SETBP1: variants seen among roughly 807,000 people sequenced by gnomAD.
The protein encoded by SETBP1 is SET-binding protein.
Under a neutral mutation model 101.0 loss-of-function variants are expected in SETBP1, and 9 were observed. That is an observed-to-expected ratio of 0.09 (90% CI 0.05 to 0.16). SETBP1 has a LOEUF of 0.16. Among genes scored for constraint, SETBP1 ranks in the 10% least tolerant of loss-of-function variants. The pLI is 1.00. For missense variants in SETBP1, 1,858 were observed against 2,033.8 expected (o/e 0.91, Z 1.66); for synonymous variants, 818 against 788.5 (o/e 1.04, Z -0.63).
chr18:44,820,743 G>A (rs544010428), intron 2 of SETBP1, among the ~76,000 whole-genome samples: 2 of 152,260 alleles, frequency 1.3e-5, no homozygotes, highest in African/African-American at 2.4e-5. Context: ...GATCACTTAC[G>A]GTGGAAATAT....
At chr18:44,824,832 T>G (rs79791929) in intron 2 of SETBP1, among the ~76,000 whole-genome samples, 6 of 152,070 alleles carry the variant, frequency 3.9e-5, no homozygotes, top group Admixed American at 2.0e-4. Flanking sequence ...GGGAAGCAGA[T>G]GAAGAAAGGG....
At chr18:44,838,727 C>A (rs1286357260) in intron 2 of SETBP1, among the ~76,000 whole-genome samples, 1 of 152,210 alleles carries the variant, frequency 6.6e-6, no homozygotes. Flanking sequence ...GTCTTCTCAG[C>A]TCTTTCTTGA....
At chr18:44,908,030 CTCT>C (rs2070216163) in intron 3 of SETBP1, among the ~76,000 whole-genome samples, 1 of 151,674 alleles carries the variant, frequency 6.6e-6, no homozygotes, top group Admixed American at 6.6e-5. Context: ...AGGGCTCCAG[CTCT>C]TCTTCTTCCT....
intron 2 of SETBP1, among the ~76,000 whole-genome samples, chr18:44,738,773 CAA>C (rs34390519): frequency 1.4e-4 from 11 of 79,758 alleles, no homozygotes; most frequent in Non-Finnish European, 1.7e-4. Context: ...GACTCCATCT[CAA>C]AAAAAAAAAA....
intron 2 of SETBP1, among the ~76,000 whole-genome samples, chr18:44,835,450 C>G (rs2072476351): frequency 6.6e-6 from 1 of 152,074 alleles, no homozygotes; most frequent in African/African-American, 2.4e-5. Flanking sequence ...AGATAAAAGC[C>G]CATCTGATTA....
chr18:44,879,440 G>A (rs1399892902), intron 3 of SETBP1, among the ~76,000 whole-genome samples: 1 of 152,054 alleles, frequency 6.6e-6, no homozygotes, highest in African/African-American at 2.4e-5. Context: ...AAAGTGTCTG[G>A]CATCTAGTAA....
intron 2 of SETBP1, among the ~76,000 whole-genome samples, chr18:44,804,682 T>A (rs2071689985): frequency 6.6e-6 from 1 of 152,112 alleles, no homozygotes; most frequent in Admixed American, 6.6e-5. Context: ...CAAAAGCCCA[T>A]AAATATGGTT....
At chr18:44,696,980 CCCACTGCCG>C (rs1366410081) in intron 1 of SETBP1, among the ~76,000 whole-genome samples, 9 of 152,340 alleles carry the variant, frequency 5.9e-5, no homozygotes, top group African/African-American at 1.9e-4. Flanking sequence ...ACTCCCAGCC[CCCACTGCCG>C]CCCCTGCCCA....
chr18:44,800,821 A>G (rs1233270436), intron 2 of SETBP1, among the ~76,000 whole-genome samples: 6 of 152,180 alleles, frequency 3.9e-5, no homozygotes, highest in Non-Finnish European at 8.8e-5. Context: ...ATTAAAAGAC[A>G]CATGCACACG....
intron 4 of SETBP1, among the ~76,000 whole-genome samples, chr18:45,005,524 T>C (rs951726339): frequency 6.6e-6 from 1 of 152,092 alleles, no homozygotes; most frequent in African/African-American, 2.4e-5. Flanking sequence ...TCTGTAACAG[T>C]GTTCAGAGGG....
intron 2 of SETBP1, among the ~76,000 whole-genome samples, chr18:44,722,026 A>G (rs1179931571): frequency 6.6e-6 from 1 of 152,112 alleles, no homozygotes; most frequent in South Asian, 2.1e-4. Flanking sequence ...GTGAGAGGGC[A>G]TCTGCGTGGA....
intron 1 of SETBP1, among the ~76,000 whole-genome samples, chr18:44,697,006 G>T (rs2069029427): frequency 6.6e-6 from 1 of 152,204 alleles, no homozygotes; most frequent in African/African-American, 2.4e-5. Context: ...CCCAAGTCCT[G>T]CAGGCAGTCA....
chr18:44,871,974 A>C (rs2069286691), intron 3 of SETBP1: 1 of 152,144 alleles, frequency 6.6e-6, no homozygotes, highest in Non-Finnish European at 1.5e-5. Context: ...TGAAATTCAC[A>C]CCTAACCCAC....
chr18:44,718,823 C>A (rs534989186), intron 2 of SETBP1, among the ~76,000 whole-genome samples: 1 of 152,130 alleles, frequency 6.6e-6, no homozygotes, highest in African/African-American at 2.4e-5. Flanking sequence ...AGAGCTGCTG[C>A]AGATACTCTA....
chr18:44,876,761 T>G, intron 3 of SETBP1: 1 of 1,511,398 alleles, frequency 6.6e-7, no homozygotes, highest in East Asian at 2.5e-5. Context: ...TAACTTCGCA[T>G]GGATTCTGCA....
intron 2 of SETBP1, among the ~76,000 whole-genome samples, chr18:44,790,409 TA>T (rs1338167580): frequency 6.6e-6 from 1 of 152,228 alleles, no homozygotes; most frequent in African/African-American, 2.4e-5. Flanking sequence ...AGAAGGTATT[TA>T]TTAGATAATC....
At chr18:44,885,693 A>C (rs2069625515) in intron 3 of SETBP1, among the ~76,000 whole-genome samples, 1 of 151,844 alleles carries the variant, frequency 6.6e-6, no homozygotes, top group African/African-American at 2.4e-5. Context: ...TAAACATTTC[A>C]CAACTGATAT....
At chr18:44,832,701 G>A (rs1161732429) in intron 2 of SETBP1, among the ~76,000 whole-genome samples, 1 of 152,172 alleles carries the variant, frequency 6.6e-6, no homozygotes, top group Non-Finnish European at 1.5e-5. Context: ...GGGCCCACCA[G>A]GTTCTCATTA....
intron 4 of SETBP1, among the ~76,000 whole-genome samples, chr18:44,980,819 C>G (rs978840274): frequency 6.6e-6 from 1 of 152,090 alleles, no homozygotes; most frequent in African/African-American, 2.4e-5. Context: ...AAGCATGGTC[C>G]TAGGGAAGCA....
Sources: allele counts gnomAD v4.1 joint callset (sites outside exome capture counted in the v4.1 genomes callset), GRCh38; gene constraint gnomAD v4.1.1; transcripts MANE v1.5; gene names NCBI Gene and HGNC (gene_info 2026-07-23, HGNC 2026-07-21).